Variants in TNRC18 observed in about 807,000 individuals in gnomAD.
TNRC18 encodes the protein trinucleotide repeat containing 18, also known as trinucleotide repeat-containing gene 18 protein.
Under a neutral mutation model 226.7 loss-of-function variants are expected in TNRC18, and 69 were observed. The ratio of observed to expected loss-of-function variants is 0.30; its 90% CI spans 0.25 to 0.37. The LOEUF (loss-of-function observed/expected upper bound fraction) is 0.37. Among genes scored for constraint, TNRC18 ranks in the 10% least tolerant of loss-of-function variants. The pLI, the probability that TNRC18 is intolerant of heterozygous loss-of-function variation, is 1.00. For synonymous variants in TNRC18, 2,449 were observed against 1,927.6 expected, an observed-to-expected ratio of 1.27 and a Z score of -7.09; for missense variants, 4,754 against 4,256.6, an observed-to-expected ratio of 1.12 and a Z score of -3.25.
Position 5,358,905 on chromosome 7 carries a change from T to G in TNRC18, c.4833+493A>C, listed in dbSNP as rs565284551. 1.8e-4 allele frequency among the ~76,000 whole-genome samples: 27 copies of G among 152,274 alleles called. No homozygotes were observed. The South Asian group carries it at 5.2e-3, about 29-fold the overall frequency. The stretch of plus-strand genomic sequence containing the variant: ...CATTAGTATTTACAAAAAGGCACCT[T>G]AAGTGGATGATTTCAATGTTCTGAA... On this transcript the variant is annotated intron_variant, in intron 15 of 29. Transcript: ENST00000430969.
Position 5,309,705 on chromosome 7 carries a change from A to C in TNRC18, c.8389-337T>G, listed in dbSNP as rs1786988465. ...GCAGCCACGAACTCCTAGACTCAAG[A>C]AATCCTCTCCCACCTCAGCCTCTGA... On this transcript the variant is annotated intron_variant, in intron 27 of 29. Transcript: ENST00000430969. This position sits in a 1 kb window ranked among gnomAD's most constrained non-coding sequence, Gnocchi z 5.7. Among the ~76,000 whole-genome samples, 2 of 152,020 alleles carry C rather than the reference A, an allele frequency of 1.3e-5. No homozygotes were observed. The highest frequency in any genetic ancestry group is 3.9e-4 in the East Asian group (2 of 5,150).
chr7:5,420,409 G>A (rs1220444550), intron 2 of TNRC18: 1 of 455,986 alleles, frequency 2.2e-6, no homozygotes, highest in Non-Finnish European at 4.4e-6. Flanking sequence ...GGAAAACAAG[G>A]GGTCCCCGAG....
intron 11 of TNRC18, among the ~76,000 whole-genome samples, chr7:5,365,762 C>G (rs983932696): frequency 6.6e-6 from 1 of 151,632 alleles, no homozygotes; most frequent in African/African-American, 2.4e-5. Flanking sequence ...CTGACATTTT[C>G]TTTGTGATCT....
rs906010673 is a variant in TNRC18, at chr7:5,394,395, C to T, written c.343+45G>A. The T allele has an allele frequency of 1.8e-5, 27 of 1,465,570 alleles. No homozygotes were observed. Among genetic ancestry groups the T allele is most frequent in the Middle Eastern group, 2.3e-4 (1 of 4,316 alleles). 90.8% of individuals were successfully genotyped at this position (1,465,570 alleles called of 1,614,324 possible). On this transcript the variant is annotated intron_variant, in intron 3 of 29. Coordinates refer to ENST00000430969, the MANE Select transcript of TNRC18 (RefSeq NM_001080495.3). The surrounding 1 kb of genome is among the most constrained non-coding windows in gnomAD (Gnocchi z 4.5). ...CATGAAGTGGCCAGAGTGGCTGGGA[C>T]GTCAGCCCAGCAGCCCTCAGCCCCG...
chr7:5,335,012 G>C (rs937411182), intron 18 of TNRC18, among the ~76,000 whole-genome samples: 14 of 152,044 alleles, frequency 9.2e-5, no homozygotes, highest in Non-Finnish European at 1.9e-4. Flanking sequence ...AATAGAAAGC[G>C]AGCCAGTGGC....
At chr7:5,331,802 C>T (rs1362540119) in intron 19 of TNRC18, among the ~76,000 whole-genome samples, 1 of 152,144 alleles carries the variant, frequency 6.6e-6, no homozygotes, top group African/African-American at 2.4e-5. Flanking sequence ...CCCAGCTACT[C>T]AGGAGGCTGA....
intron 27 of TNRC18, among the ~76,000 whole-genome samples, chr7:5,311,352 G>T (rs1755998823): frequency 6.6e-6 from 1 of 152,252 alleles, no homozygotes; most frequent in African/African-American, 2.4e-5. Flanking sequence ...GGCCAGCCAG[G>T]ACTTTGTCTT....
chr7:5,362,520 G>A, intron 12 of TNRC18, 130 bp downstream of exon 12: 2 of 848,944 alleles, frequency 2.4e-6, no homozygotes, highest in South Asian at 3.7e-5. Flanking sequence ...TCAGCACAAG[G>A]AGCTGAACGT....
Position 5,370,889 on chromosome 7 carries a change from C to G in TNRC18, c.3705G>C (p.Arg1235=), listed in dbSNP as rs756599524. 6.2e-6 allele frequency: 10 copies of G among 1,607,030 alleles called. No homozygotes were observed. In the South Asian group the frequency reaches 6.6e-5, roughly 11 times the overall value. ...CCAGGGCGGCGGTGCAGGGTTCTGT[C>G]CGGCCCGGGGAATCCACCCGTGGTT... The part of the protein sequence containing the change: ...GPEPRVDSPG[R]TEPCTAALDL... The change falls in exon 11 of 30, where the codon CGG becomes CGC. Residue 1235 remains arginine, a synonymous_variant. Transcript: ENST00000430969.
At chr7:5,321,404 C>T (rs1457717701) in intron 21 of TNRC18, among the ~76,000 whole-genome samples, 2 of 152,084 alleles carry the variant, frequency 1.3e-5, no homozygotes, top group African/African-American at 2.4e-5. Flanking sequence ...CCGTGGCCAG[C>T]CCCTCTCCTC....
chr7:5,417,073 G>A (rs1254894666), intron 2 of TNRC18, among the ~76,000 whole-genome samples: 1 of 152,078 alleles, frequency 6.6e-6, no homozygotes, highest in Non-Finnish European at 1.5e-5. Flanking sequence ...CAAGGCAGGA[G>A]GAGGCCAGGA....
At chr7:5,400,947 T>C (rs780331665) in intron 2 of TNRC18, among the ~76,000 whole-genome samples, 2 of 151,916 alleles carry the variant, frequency 1.3e-5, no homozygotes, top group Non-Finnish European at 2.9e-5. Flanking sequence ...GAAGCTGAGG[T>C]GGGAGGATTG....
At position 5,357,007 on chromosome 7, in the gene TNRC18, T is replaced by G. The variant is rs1390963275; in HGVS notation, c.5103A>C (p.Lys1701Asn). The change falls in exon 16 of 30, where the codon AAA becomes AAC. Residue 1701 changes from lysine to asparagine, a missense_variant. Lys to Asn is a moderately conservative substitution (Grantham distance 94). Coordinates refer to ENST00000430969, the MANE Select transcript of TNRC18 (RefSeq NM_001080495.3). ...TGAACCCCACCTCCATCTTCCTGGTTTTGGCTGCCCTTTTGTGTTTACCTT... is the reference window on the plus strand; with the variant it reads ...TGAACCCCACCTCCATCTTCCTGGTGTTGGCTGCCCTTTTGTGTTTACCTT... ...SREGKHKRAAKTRKMEVGFKA... is the reference protein window; with the variant it reads ...SREGKHKRAANTRKMEVGFKA... 6.4e-7 allele frequency: 1 copy of G among 1,552,162 alleles called. No individual in the cohort carries two copies. The highest frequency in any genetic ancestry group is 1.4e-5 in the African/African-American group (1 of 73,048).
chr7:5,324,844 G>A lies in TNRC18; in HGVS notation c.6300+252C>T, dbSNP rs938533052. Among the ~76,000 whole-genome samples the A allele has an allele frequency of 4.3e-4, 65 of 152,176 alleles. No individual in the cohort carries two copies. The highest frequency in any genetic ancestry group is 1.5e-3 in the African/African-American group (63 of 41,442). ...GCTGGGCTGGGGGCCTGTCACCCAG[G>A]TCTCCTGGTCTCTGTTCCAGTGTCC... On this transcript the variant is annotated intron_variant, in intron 20 of 29. Coordinates refer to ENST00000430969, the MANE Select transcript of TNRC18 (RefSeq NM_001080495.3). The surrounding 1 kb of genome is among the most constrained non-coding windows in gnomAD (Gnocchi z 4.8).
Position 5,377,769 on chromosome 7 carries a change from T to C in TNRC18, c.2255+153A>G, listed in dbSNP as rs533870860. ...TGGGGCCACCTGGCCTGGGCAGGGC[T>C]GGCCCGATGCTGAGGACCAGAGTGA... On this transcript the variant is annotated intron_variant, in intron 6 of 29. Transcript: ENST00000430969. This position sits in a 1 kb window ranked among gnomAD's most constrained non-coding sequence, Gnocchi z 5.8. Among the ~76,000 whole-genome samples, 391 of 152,238 alleles carry C rather than the reference T, an allele frequency of 2.6e-3. 1 individual carries two copies. The highest frequency in any genetic ancestry group is 8.9e-3 in the African/African-American group (371 of 41,542).
At chr7:5,343,832 G>A (rs887168682) in intron 18 of TNRC18, among the ~76,000 whole-genome samples, 1 of 152,178 alleles carries the variant, frequency 6.6e-6, no homozygotes. Context: ...TATATGCACT[G>A]GGAAACCAAA....
At chr7:5,420,935 G>T in intron 2 of TNRC18, 125 bp downstream of exon 2, 1 of 1,221,672 alleles carries the variant, frequency 8.2e-7, no homozygotes, top group Non-Finnish European at 1.2e-6. Context: ...AGCCGAGTCT[G>T]CCCGCACCCC....
intron 2 of TNRC18, among the ~76,000 whole-genome samples, chr7:5,418,179 G>A (rs574770463): frequency 2.3e-4 from 35 of 152,274 alleles, no homozygotes; most frequent in African/African-American, 7.9e-4. Flanking sequence ...GGCCTCCCAA[G>A]CCCAGAGCAC....
At chr7:5,345,526 A>ACCCC in intron 18 of TNRC18, 36 bp downstream of exon 18, 6 of 177,494 alleles carry the variant, frequency 3.4e-5, no homozygotes, top group Non-Finnish European at 5.4e-5. Flanking sequence ...CGCCCCTCCC[A>ACCCC]CCCACCCCCA....
Sources: allele counts gnomAD v4.1 joint callset (sites outside exome capture counted in the v4.1 genomes callset), GRCh38; gene constraint gnomAD v4.1.1; non-coding constraint Gnocchi (gnomAD v3.1); transcripts MANE v1.5; gene names NCBI Gene and HGNC (gene_info 2026-07-23, HGNC 2026-07-21).